Variants in RHCE observed in about 807,000 individuals in gnomAD.
RHCE encodes the protein blood group Rh(CE) polypeptide.
A neutral mutation model predicts 43.8 loss-of-function variants in RHCE; 22 were observed. That is an observed-to-expected ratio of 0.50 (90% CI 0.36 to 0.72). The LOEUF (loss-of-function observed/expected upper bound fraction) is 0.72. Ranked by LOEUF, RHCE falls within the 30% of genes least tolerant of loss-of-function variation. The pLI is 0.00. For missense variants in RHCE, 385 were observed against 525.4 expected (o/e 0.73, Z 2.61); for synonymous variants, 156 against 210.7 (o/e 0.74, Z 2.25).
upstream of RHCE, among the ~76,000 whole-genome samples, chr1:25,421,445 TGTGGGTTTG>T (rs1326235590): frequency 1.3e-5 from 2 of 152,104 alleles, no homozygotes; most frequent in East Asian, 3.9e-4. Context: ...AGAAAGGAGA[TGTGGGTTTG>T]GCTCTAGTAA....
At chr1:25,384,999 A>C (rs639468) in intron 7 of RHCE, among the ~76,000 whole-genome samples, 1 of 152,216 alleles carries the variant, frequency 6.6e-6, no homozygotes, top group Non-Finnish European at 1.5e-5. Flanking sequence ...ATCTATCCCT[A>C]TATCGTGCCC....
chr1:25,427,838 G>T (rs570235769), intron 2 of RHCE, among the ~76,000 whole-genome samples: 1 of 152,202 alleles, frequency 6.6e-6, no homozygotes, highest in East Asian at 1.9e-4. Context: ...AGCACAATCT[G>T]CTTCTAAACA....
intron 1 of RHCE, among the ~76,000 whole-genome samples, chr1:25,412,410 G>C (rs1647109699): frequency 6.6e-6 from 1 of 152,084 alleles, no homozygotes; most frequent in Admixed American, 6.6e-5. Flanking sequence ...CAGAGTTGGG[G>C]CCCTAAAGAT....
chr1:25,386,642 G>A (rs1432967496), intron 6 of RHCE, among the ~76,000 whole-genome samples: 2 of 152,166 alleles, frequency 1.3e-5, no homozygotes, highest in Admixed American at 6.5e-5. Context: ...CCAACATGGC[G>A]AAACCCCGTC....
intron 7 of RHCE, among the ~76,000 whole-genome samples, chr1:25,382,574 A>C (rs1217025409): frequency 6.6e-6 from 1 of 151,668 alleles, no homozygotes; most frequent in Non-Finnish European, 1.5e-5. Context: ...GAAATCCATC[A>C]CCATGATAAC....
At chr1:25,383,283 A>C (rs1459866732) in intron 7 of RHCE, among the ~76,000 whole-genome samples, 4 of 152,332 alleles carry the variant, frequency 2.6e-5, no homozygotes, top group Non-Finnish European at 5.9e-5. Flanking sequence ...GCTCATCTGA[A>C]TAGGAAATTG....
In RHCE at chr1:25,373,607, G is replaced by T. The variant is rs954702631; in HGVS notation, c.1153+1742C>A. 6.1e-4 allele frequency among the ~76,000 whole-genome samples: 93 copies of T among 151,786 alleles called. 1 individual carries two copies. Among genetic ancestry groups the T allele is most frequent in the African/African-American group, 2.2e-3 (90 of 41,136 alleles). On this transcript the variant is annotated intron_variant, in intron 8 of 9. Transcript: ENST00000294413. ...TCCATACAGTTTGTTAAAGCTGGAAGGAAGCCAGCTTAGTTACCATAATCC... is the reference window on the plus strand; with the variant it reads ...TCCATACAGTTTGTTAAAGCTGGAATGAAGCCAGCTTAGTTACCATAATCC...
intron 1 of RHCE, among the ~76,000 whole-genome samples, chr1:25,417,901 T>C (rs1427048784): frequency 6.6e-6 from 1 of 152,184 alleles, no homozygotes; most frequent in African/African-American, 2.4e-5. Flanking sequence ...AGCCCTGGCA[T>C]GGCATCCGCC....
At chr1:25,418,755 G>T (rs1376313906) in intron 1 of RHCE, among the ~76,000 whole-genome samples, 1 of 152,212 alleles carries the variant, frequency 6.6e-6, no homozygotes, top group Non-Finnish European at 1.5e-5. Context: ...TTCAAGAGCT[G>T]GCTGGGCAGG....
At chr1:25,376,049 C>A (rs1645777142) in intron 7 of RHCE, among the ~76,000 whole-genome samples, 1 of 152,070 alleles carries the variant, frequency 6.6e-6, no homozygotes, top group African/African-American at 2.4e-5. Context: ...CCTTGGCCTC[C>A]CAAATTGCTG....
At chr1:25,424,070 A>G (rs908757987), upstream of RHCE, among the ~76,000 whole-genome samples, 3 of 152,230 alleles carry the variant, frequency 2.0e-5, no homozygotes, top group African/African-American at 7.2e-5. Flanking sequence ...CTTTCCGTAC[A>G]GTACTCAGTA....
chr1:25,416,653 G>A (rs1284741729), intron 1 of RHCE, among the ~76,000 whole-genome samples: 1 of 151,782 alleles, frequency 6.6e-6, no homozygotes, highest in Non-Finnish European at 1.5e-5. Flanking sequence ...GTCTTGCTCT[G>A]TCGCCCATGC....
chr1:25,395,101 G>A lies in RHCE; in HGVS notation c.487-2960C>T, dbSNP rs545403694. 4.9e-4 allele frequency among the ~76,000 whole-genome samples: 70 copies of A among 142,670 alleles called. No individual in the cohort carries two copies. The East Asian group carries it at 0.013, about 26-fold the overall frequency. 93.6% of individuals were successfully genotyped at this position (142,670 alleles called of 152,430 possible). On this transcript the variant is annotated intron_variant, in intron 3 of 9. Transcript: ENST00000294413. The stretch of plus-strand genomic sequence containing the variant: ...ACTGCAACAAAGCAGGAAGAGGTTC[G>A]GGCTCACAGGGAGTGTTCTGCCTCT...
intron 6 of RHCE, 119 bp downstream of exon 6, chr1:25,388,857 A>G: frequency 1.9e-6 from 3 of 1,540,576 alleles, no homozygotes; most frequent in South Asian, 2.3e-5. Flanking sequence ...GTTGAAGCCA[A>G]TAAGAGAATG....
chr1:25,395,754 A>C (rs1479087693), intron 3 of RHCE, among the ~76,000 whole-genome samples: 1 of 152,250 alleles, frequency 6.6e-6, no homozygotes, highest in Non-Finnish European at 1.5e-5. Context: ...GAGTGGATGA[A>C]CAGAGAAGCG....
At chr1:25,368,640 C>T (rs1442491193) in intron 9 of RHCE, among the ~76,000 whole-genome samples, 1 of 149,394 alleles carries the variant, frequency 6.7e-6, no homozygotes, top group African/African-American at 2.5e-5. Context: ...TCTTTGGGGC[C>T]GAGAGAATTT....
At chr1:25,394,108 C>T (rs572115729) in intron 3 of RHCE, among the ~76,000 whole-genome samples, 1 of 152,272 alleles carries the variant, frequency 6.6e-6, no homozygotes, top group Middle Eastern at 3.4e-3. Context: ...CCTGCTTCAG[C>T]CTCCCATGTA....
At chr1:25,418,347 T>G (rs1399541892) in intron 1 of RHCE, among the ~76,000 whole-genome samples, 1 of 150,924 alleles carries the variant, frequency 6.6e-6, no homozygotes, top group East Asian at 2.0e-4. Context: ...CTCTTTGTTT[T>G]TTGTTGTTGT....
At chr1:25,413,855 C>T (rs1407360761) in intron 1 of RHCE, among the ~76,000 whole-genome samples, 3 of 151,700 alleles carry the variant, frequency 2.0e-5, no homozygotes, top group African/African-American at 7.3e-5. Context: ...ACCCTACCTA[C>T]CTAGGTTTAA....
Sources: allele counts gnomAD v4.1 joint callset (sites outside exome capture counted in the v4.1 genomes callset), GRCh38; gene constraint gnomAD v4.1.1; transcripts MANE v1.5; gene names NCBI Gene and HGNC (gene_info 2026-07-23, HGNC 2026-07-21).